XKR9: variants seen among roughly 807,000 people sequenced by gnomAD.
XKR9 encodes the protein XK related 9.
Under a neutral mutation model 32.0 loss-of-function variants are expected in XKR9, and 32 were observed. The observed-to-expected ratio is 1.00, with a 90% CI of 0.76 to 1.34. The LOEUF (loss-of-function observed/expected upper bound fraction) is 1.34. XKR9 is among the 40% of genes most tolerant of loss of function. XKR9 has a pLI of 0.00. For synonymous variants in XKR9, 168 were observed against 143.4 expected, an observed-to-expected ratio of 1.17 and a Z score of -1.22; for missense variants, 546 against 429.7, an observed-to-expected ratio of 1.27 and a Z score of -2.39.
the XKR9 span, among the ~76,000 whole-genome samples, chr8:71,065,597 AC>A: frequency 6.6e-6 from 1 of 152,226 alleles, no homozygotes; most frequent in Non-Finnish European, 1.5e-5. Flanking sequence ...GAGAATAAAG[AC>A]AATAGTTTAC....
At chr8:70,998,420 A>G in the XKR9 span, among the ~76,000 whole-genome samples, 2,784 of 152,190 alleles carry the variant, frequency 0.018, 75 homozygotes, top group African/African-American at 0.064. Flanking sequence ...TAGGCCTCCA[A>G]TTGTACTGAT....
the XKR9 span, among the ~76,000 whole-genome samples, chr8:71,023,790 C>T: frequency 6.6e-6 from 1 of 152,156 alleles, no homozygotes; most frequent in Non-Finnish European, 1.5e-5. Flanking sequence ...CCATGTGATG[C>T]ATGCAGGAAG....
In XKR9 at chr8:70,680,930, TAAATAG is replaced by T; in HGVS notation, c.-127_-122del. ...ATTTCATAATATTTATTCTTTCTTC[TAAATAG>T]ATTTAGGGAGTAGAAATTAAAATTC... is the stretch of plus-strand genomic sequence containing the variant. On this transcript the variant is annotated 5_prime_UTR_variant, in exon 3 of 5. Transcript: ENST00000408926. The T allele has an allele frequency of 1.3e-6, 1 of 798,128 alleles. No homozygotes were observed. The highest frequency in any genetic ancestry group is 1.9e-6 in the Non-Finnish European group (1 of 527,206). 49.4% of individuals were successfully genotyped at this position (798,128 alleles called of 1,614,324 possible). A position where few individuals can be genotyped will look rare whatever the true frequency, so the allele number is the denominator to read the frequency against.
chr8:70,694,161 C>G (rs1805174477), intron 3 of XKR9, among the ~76,000 whole-genome samples: 1 of 152,214 alleles, frequency 6.6e-6, no homozygotes, highest in African/African-American at 2.4e-5. Flanking sequence ...AACAGCAAAG[C>G]TGTTGCCAGC....
chr8:70,848,051 G>A, the XKR9 span, among the ~76,000 whole-genome samples: 1 of 152,016 alleles, frequency 6.6e-6, no homozygotes, highest in African/African-American at 2.4e-5. Flanking sequence ...GATGAAATTA[G>A]ATGCAAAAAT....
chr8:70,884,413 C>G, the XKR9 span, among the ~76,000 whole-genome samples: 2 of 152,194 alleles, frequency 1.3e-5, no homozygotes, highest in East Asian at 3.9e-4. Flanking sequence ...ACAGATGATG[C>G]TTTGCTTTTG....
the XKR9 span, among the ~76,000 whole-genome samples, chr8:71,053,387 C>T: frequency 2.0e-5 from 3 of 152,166 alleles, no homozygotes; most frequent in Non-Finnish European, 2.9e-5. Context: ...CCTTCTGACA[C>T]TGGGAAGTAT....
At chr8:70,722,492 G>T (rs754980701) in intron 4 of XKR9, among the ~76,000 whole-genome samples, 10 of 152,096 alleles carry the variant, frequency 6.6e-5, no homozygotes, top group Admixed American at 1.3e-4. Context: ...GGTATGCCTG[G>T]TGGTGACAAA....
At chr8:70,977,437 G>T in the XKR9 span, among the ~76,000 whole-genome samples, 1 of 152,130 alleles carries the variant, frequency 6.6e-6, no homozygotes, top group African/African-American at 2.4e-5. Context: ...CAGAGATTAT[G>T]GTACGTTGTG....
intron 3 of XKR9, among the ~76,000 whole-genome samples, chr8:70,699,785 C>T (rs1453378060): frequency 3.9e-5 from 6 of 152,186 alleles, no homozygotes; most frequent in Non-Finnish European, 7.4e-5. Flanking sequence ...TGTTTTCCAA[C>T]TTGGTTCCAT....
intron 4 of XKR9, among the ~76,000 whole-genome samples, chr8:70,708,646 T>C (rs1225609274): frequency 6.6e-6 from 1 of 152,092 alleles, no homozygotes; most frequent in Non-Finnish European, 1.5e-5. Flanking sequence ...TAGAAAAATA[T>C]CTGGAAGAAA....
intron 2 of XKR9, among the ~76,000 whole-genome samples, chr8:70,776,867 C>G (rs1474189548): frequency 6.7e-6 from 1 of 150,116 alleles, no homozygotes; most frequent in African/African-American, 2.5e-5. Context: ...GTCTGGCCTG[C>G]CATTACATTC....
chr8:71,023,531 C>T, the XKR9 span, among the ~76,000 whole-genome samples: 187 of 152,224 alleles, frequency 1.2e-3, 1 homozygote, highest in African/African-American at 4.3e-3. Flanking sequence ...TTTGGCCCTC[C>T]AGGTGGGATA....
chr8:70,944,261 A>C, the XKR9 span, among the ~76,000 whole-genome samples: 1 of 152,208 alleles, frequency 6.6e-6, no homozygotes, highest in African/African-American at 2.4e-5. Flanking sequence ...TAAGCAATTG[A>C]TATCTCAGTT....
chr8:70,831,244 T>C, the XKR9 span, among the ~76,000 whole-genome samples: 2 of 145,494 alleles, frequency 1.4e-5, no homozygotes, highest in African/African-American at 5.2e-5. Flanking sequence ...TGAGCCAAGA[T>C]CGTGCCACTG....
chr8:70,732,692 G>C (rs1040812375), intron 4 of XKR9, among the ~76,000 whole-genome samples: 6 of 152,210 alleles, frequency 3.9e-5, no homozygotes, highest in African/African-American at 1.4e-4. Context: ...GTCTCCAGTA[G>C]AGTTTGACTA....
the XKR9 span, among the ~76,000 whole-genome samples, chr8:71,040,520 G>A: frequency 6.6e-6 from 1 of 152,022 alleles, no homozygotes; most frequent in Non-Finnish European, 1.5e-5. Flanking sequence ...AAGCCCAAAG[G>A]CTCTTCTAGA....
chr8:70,677,570 C>T (rs1023528861), intron 2 of XKR9, among the ~76,000 whole-genome samples: 2 of 152,182 alleles, frequency 1.3e-5, no homozygotes, highest in African/African-American at 2.4e-5. Context: ...TATCTCAAAT[C>T]TATAGACTGC....
chr8:71,009,232 G>C, the XKR9 span, among the ~76,000 whole-genome samples: 23 of 152,258 alleles, frequency 1.5e-4, no homozygotes, highest in African/African-American at 5.1e-4. Context: ...ATGGCCCATG[G>C]GCCGCATGCA....
Sources: allele counts gnomAD v4.1 joint callset (sites outside exome capture counted in the v4.1 genomes callset), GRCh38; gene constraint gnomAD v4.1.1; transcripts MANE v1.5; gene names NCBI Gene and HGNC (gene_info 2026-07-23, HGNC 2026-07-21).